The following HCN1 variants were observed in gnomAD, a reference collection of about 807,000 sequenced individuals.
HCN1 encodes the protein potassium/sodium hyperpolarization-activated cyclic nucleotide-gated channel 1.
A neutral mutation model predicts 78.9 loss-of-function variants in HCN1; 13 were observed. The ratio of observed to expected loss-of-function variants is 0.16; its 90% CI spans 0.11 to 0.26. The LOEUF (loss-of-function observed/expected upper bound fraction) is 0.26, where lower values mean the gene tolerates loss of function less well. Among genes scored for constraint, HCN1 ranks in the 10% least tolerant of loss-of-function variants. HCN1 has a pLI of 1.00. For missense variants in HCN1, 810 were observed against 1,154.3 expected (o/e 0.70, Z 4.32); for synonymous variants, 552 against 455.5 (o/e 1.21, Z -2.70).
At position 45,548,389 on chromosome 5, in the gene HCN1, G is replaced by C. The variant is rs139182369; in HGVS notation, c.850-86382C>G. ...ATCTGGATTAAGAGATGATATAAGA[G>C]TTTCAACTTTGTGTGAATAAAGAGA... On this transcript the variant is annotated intron_variant, in intron 2 of 7. Transcript: ENST00000303230. Among the ~76,000 whole-genome samples the C allele has an allele frequency of 3.1e-4, 47 of 151,822 alleles. 1 individual carries two copies. The East Asian group carries it at 7.2e-3, about 23-fold the overall frequency.
At chr5:45,374,014 ATATAT>A (rs1747513252) in intron 4 of HCN1, among the ~76,000 whole-genome samples, 1 of 114,608 alleles carries the variant, frequency 8.7e-6, no homozygotes, top group East Asian at 2.3e-4. Flanking sequence ...TATACATAAT[ATATAT>A]TATATATATT....
intron 2 of HCN1, among the ~76,000 whole-genome samples, chr5:45,504,871 T>C (rs1052667729): frequency 1.3e-5 from 2 of 152,230 alleles, no homozygotes; most frequent in Non-Finnish European, 2.9e-5. Context: ...CATTTTTTCA[T>C]GTGTCTGTTG....
chr5:45,672,565 A>G (rs776972756), intron 1 of HCN1, among the ~76,000 whole-genome samples: 5 of 149,338 alleles, frequency 3.3e-5, no homozygotes, highest in Non-Finnish European at 6.0e-5. Flanking sequence ...TAGCGAATTA[A>G]GTAAAAAAAA....
chr5:45,305,056 T>C (rs1042484232), intron 5 of HCN1, among the ~76,000 whole-genome samples: 2 of 152,114 alleles, frequency 1.3e-5, no homozygotes, highest in African/African-American at 4.8e-5. Context: ...CCAAAAAAGG[T>C]TGGGACTGCA....
intron 2 of HCN1, among the ~76,000 whole-genome samples, chr5:45,532,281 A>G (rs1193290082): frequency 1.3e-5 from 2 of 152,218 alleles, no homozygotes; most frequent in African/African-American, 4.8e-5. Context: ...GTCATGCTCT[A>G]TAGCATAGAA....
At chr5:45,537,382 C>A (rs1742986162) in intron 2 of HCN1, among the ~76,000 whole-genome samples, 1 of 138,056 alleles carries the variant, frequency 7.2e-6, no homozygotes, top group Non-Finnish European at 1.6e-5. Context: ...TGGTACACAG[C>A]TGATTATGCA....
chr5:45,496,174 T>A (rs1203878641), intron 2 of HCN1, among the ~76,000 whole-genome samples: 1 of 152,184 alleles, frequency 6.6e-6, no homozygotes, highest in Non-Finnish European at 1.5e-5. Context: ...TCAGAAGGAA[T>A]GGTACCAGTT....
intron 5 of HCN1, among the ~76,000 whole-genome samples, chr5:45,308,157 C>G (rs145416518): frequency 6.6e-6 from 1 of 152,020 alleles, no homozygotes; most frequent in African/African-American, 2.4e-5. Context: ...CTCTCATGTC[C>G]TCTCTCATCA....
intron 5 of HCN1, among the ~76,000 whole-genome samples, chr5:45,326,051 C>G (rs1579812979): frequency 6.6e-6 from 1 of 151,448 alleles, no homozygotes; most frequent in Non-Finnish European, 1.5e-5. Flanking sequence ...ACTCCCCTTT[C>G]ATTAAGATTA....
intron 4 of HCN1, 23 bp from the exon 5 acceptor site, chr5:45,353,269 T>TA: frequency 6.4e-7 from 1 of 1,552,446 alleles, no homozygotes; most frequent in East Asian, 2.3e-5. Flanking sequence ...GAAAATAAAA[T>TA]TAAAAAAAAA....
At chr5:45,368,003 G>C (rs533879270) in intron 4 of HCN1, among the ~76,000 whole-genome samples, 13 of 152,058 alleles carry the variant, frequency 8.5e-5, no homozygotes, top group Non-Finnish European at 1.6e-4. Context: ...TAGGTTACTG[G>C]ATCTTGACTG....
chr5:45,542,697 T>C (rs1440827876), intron 2 of HCN1, among the ~76,000 whole-genome samples: 1 of 152,178 alleles, frequency 6.6e-6, no homozygotes, highest in Non-Finnish European at 1.5e-5. Context: ...ACTTGTCCTG[T>C]GTACTTTCCA....
intron 5 of HCN1, among the ~76,000 whole-genome samples, chr5:45,306,358 G>C (rs1011572676): frequency 2.0e-5 from 3 of 152,024 alleles, no homozygotes; most frequent in African/African-American, 4.8e-5. Flanking sequence ...TTAGTCATAT[G>C]AATAACTTGT....
intron 2 of HCN1, among the ~76,000 whole-genome samples, chr5:45,633,965 T>C (rs1382171294): frequency 6.6e-6 from 1 of 151,982 alleles, no homozygotes; most frequent in African/African-American, 2.4e-5. Flanking sequence ...ATGATTCAAC[T>C]AAATGAGAAG....
chr5:45,627,372 T>C (rs1227203543), intron 2 of HCN1, among the ~76,000 whole-genome samples: 1 of 152,160 alleles, frequency 6.6e-6, no homozygotes, highest in African/African-American at 2.4e-5. Context: ...TCAGTTTGCA[T>C]CATGTGAGAA....
intron 6 of HCN1, among the ~76,000 whole-genome samples, chr5:45,268,016 G>A (rs1260476648): frequency 2.0e-5 from 3 of 152,178 alleles, no homozygotes; most frequent in Admixed American, 2.0e-4. Context: ...GTATAATCTA[G>A]GCAGAAGCCA....
chr5:45,302,495 AG>A (rs1745646959), intron 6 of HCN1, among the ~76,000 whole-genome samples: 1 of 152,090 alleles, frequency 6.6e-6, no homozygotes, highest in Admixed American at 6.6e-5. Context: ...GAATTGGCAA[AG>A]CAAACAGGCA....
intron 2 of HCN1, among the ~76,000 whole-genome samples, chr5:45,584,515 T>C (rs1447003365): frequency 6.6e-6 from 1 of 151,710 alleles, no homozygotes; most frequent in Non-Finnish European, 1.5e-5. Context: ...AATTGGAGCG[T>C]TTAGCCCATT....
At chr5:45,348,125 A>G (rs1342868052) in intron 5 of HCN1, among the ~76,000 whole-genome samples, 23 of 152,242 alleles carry the variant, frequency 1.5e-4, no homozygotes, top group Non-Finnish European at 2.8e-4. Context: ...GAAAGGTCGG[A>G]TTACCCACAA....
Sources: gnomAD v4.1 joint callset for allele counts (sites outside exome capture counted in the v4.1 genomes callset) on GRCh38, gnomAD v4.1.1 for gene constraint, MANE v1.5 for transcripts, NCBI Gene and HGNC (gene_info 2026-07-23, HGNC 2026-07-21) for gene names.